Variants in NCOA2 observed in about 807,000 individuals in gnomAD.
NCOA2 encodes the protein nuclear receptor coactivator 2.
Under a neutral mutation model 145.1 loss-of-function variants are expected in NCOA2, and 21 were observed. The observed-to-expected ratio is 0.14, with a 90% CI of 0.10 to 0.21. The LOEUF is 0.21. NCOA2 is among the 10% of genes least tolerant of loss of function. The pLI is 1.00. For synonymous variants in NCOA2, 619 were observed against 637.5 expected (o/e 0.97, Z 0.44); for missense variants, 1,472 against 1,837.6 (o/e 0.80, Z 3.64).
Position 70,159,243 on chromosome 8 carries a change from T to TATATATATATGTATATA in NCOA2, c.1124+261_1124+262insTATATACATATATATAT, listed in dbSNP as rs869045939. On this transcript the variant is annotated intron_variant, in intron 10 of 22. Transcript: ENST00000452400. ...AACATTATATATATATATATATATA[T>TATATATATATGTATATA]TTTTTTTTTTTTCCCCCAAATATTT... Among the ~76,000 whole-genome samples, 43 of 82,068 alleles carry TATATATATATGTATATA rather than the reference T, an allele frequency of 5.2e-4. 1 individual carries two copies. The highest frequency in any genetic ancestry group is 2.1e-3 in the African/African-American group (43 of 20,120). 53.8% of individuals were successfully genotyped at this position (82,068 alleles called of 152,430 possible).
chr8:70,280,519 T>C (rs1784847466), intron 2 of NCOA2, among the ~76,000 whole-genome samples: 1 of 152,214 alleles, frequency 6.6e-6, no homozygotes, highest in South Asian at 2.1e-4. Context: ...TACTGACCCA[T>C]ACACAATATA....
chr8:70,235,662 G>A (rs369401428), intron 2 of NCOA2, among the ~76,000 whole-genome samples: 1 of 151,942 alleles, frequency 6.6e-6, no homozygotes, highest in Non-Finnish European at 1.5e-5. Context: ...TGGGCAACAA[G>A]ACAAGACCTT....
At chr8:70,377,210 T>C (rs1483928227) in intron 1 of NCOA2, among the ~76,000 whole-genome samples, 1 of 151,962 alleles carries the variant, frequency 6.6e-6, no homozygotes, top group Non-Finnish European at 1.5e-5. Context: ...CTCTACTAAT[T>C]CTTATATCAT....
At chr8:70,367,996 CAGA>C (rs943946514) in intron 1 of NCOA2, among the ~76,000 whole-genome samples, 1 of 152,138 alleles carries the variant, frequency 6.6e-6, no homozygotes, top group African/African-American at 2.4e-5. Flanking sequence ...AACATAGACT[CAGA>C]AGTATAAGAT....
chr8:70,123,260 T>C (rs1808030761), intron 21 of NCOA2, among the ~76,000 whole-genome samples: 1 of 152,258 alleles, frequency 6.6e-6, no homozygotes, highest in Admixed American at 6.5e-5. Context: ...GTCGGTCTCT[T>C]TGCATAAATG....
At chr8:70,438,193 C>T in the NCOA2 span, among the ~76,000 whole-genome samples, 1 of 152,206 alleles carries the variant, frequency 6.6e-6, no homozygotes, top group Non-Finnish European at 1.5e-5. Context: ...TTAAAAATCA[C>T]AATTACAATA....
intron 4 of NCOA2, among the ~76,000 whole-genome samples, chr8:70,195,973 G>A (rs1817262763): frequency 6.6e-6 from 1 of 152,216 alleles, no homozygotes; most frequent in African/African-American, 2.4e-5. Context: ...CATATTTTAT[G>A]TTCCTTTTAA....
chr8:70,147,648 T>A (rs112399291), intron 12 of NCOA2, among the ~76,000 whole-genome samples: 3,345 of 152,260 alleles, frequency 0.022, 149 homozygotes, highest in African/African-American at 0.076. Flanking sequence ...AATGAAAAGA[T>A]AGAAGATGTT....
At chr8:70,410,592 C>A in the NCOA2 span, among the ~76,000 whole-genome samples, 1 of 152,140 alleles carries the variant, frequency 6.6e-6, no homozygotes, top group Admixed American at 6.5e-5. Flanking sequence ...TCCTTGGCCT[C>A]CCAAAGTGCT....
the NCOA2 span, among the ~76,000 whole-genome samples, chr8:70,442,137 A>AAGAAAGAAAG: frequency 3.8e-5 from 2 of 52,278 alleles, no homozygotes; most frequent in African/African-American, 5.7e-5. Context: ...GAAAGAAAGA[A>AAGAAAGAAAG]AGAAAGAAAG....
intron 2 of NCOA2, among the ~76,000 whole-genome samples, chr8:70,290,821 C>A (rs368472001): frequency 5.0e-5 from 7 of 140,318 alleles, no homozygotes; most frequent in African/African-American, 9.6e-5. Context: ...AAAAAAAAAA[C>A]AAAACTATAA....
chr8:70,159,561 G>C lies in NCOA2; in HGVS notation c.1068C>G (p.Ile356Met). ...GAGGTTCATTAGTAGTCTGAGAACG[G>C]ATGAGTTTGCTCTTCGTTTGTGCAG... ...LVAAQTKSKL[I>M]RSQTTNEPQL... Residue 356 changes from isoleucine (I) to methionine (M), a missense_variant, in exon 10 of 23, where the codon ATC (isoleucine) becomes ATG (methionine). Coordinates refer to ENST00000452400, the MANE Select transcript of NCOA2 (RefSeq NM_006540.4). The C allele has an allele frequency of 1.9e-6, 3 of 1,612,166 alleles. No homozygotes were observed. Among genetic ancestry groups the C allele is most frequent in the Non-Finnish European group, 2.5e-6 (3 of 1,178,416 alleles).
chr8:70,247,918 G>C (rs896134422), intron 2 of NCOA2, among the ~76,000 whole-genome samples: 13 of 152,208 alleles, frequency 8.5e-5, no homozygotes, highest in African/African-American at 2.7e-4. Context: ...ATTGCTGTTA[G>C]CAAATCTGTC....
At chr8:70,186,469 A>G (rs1275140324) in intron 4 of NCOA2, among the ~76,000 whole-genome samples, 1 of 152,202 alleles carries the variant, frequency 6.6e-6, no homozygotes, top group Admixed American at 6.5e-5. Context: ...TGCAGAGGGC[A>G]AGGTGCTGCG....
At chr8:70,423,877 G>A in the NCOA2 span, among the ~76,000 whole-genome samples, 6 of 152,234 alleles carry the variant, frequency 3.9e-5, no homozygotes, top group East Asian at 3.9e-4. Context: ...CAGGGTCCCC[G>A]ACACTCTCCG....
chr8:70,122,423 CTTT>C (rs768646156), intron 21 of NCOA2, among the ~76,000 whole-genome samples: 1 of 143,284 alleles, frequency 7.0e-6, no homozygotes, highest in Admixed American at 7.0e-5. Flanking sequence ...CTAATTTAAA[CTTT>C]TTTTTTTTTT....
At chr8:70,441,452 GAA>G in the NCOA2 span, among the ~76,000 whole-genome samples, 2 of 134,874 alleles carry the variant, frequency 1.5e-5, no homozygotes, top group African/African-American at 2.7e-5. Context: ...AAAGAAAAAA[GAA>G]AGAAAAGAAA....
intron 1 of NCOA2, among the ~76,000 whole-genome samples, chr8:70,326,295 C>T (rs1390421263): frequency 2.0e-5 from 3 of 152,186 alleles, no homozygotes; most frequent in East Asian, 3.9e-4. Flanking sequence ...AGTACATATG[C>T]TCTTACCTTT....
At chr8:70,424,405 G>A in the NCOA2 span, 135 of 414,644 alleles carry the variant, frequency 3.3e-4, no homozygotes, top group African/African-American at 2.5e-3. Flanking sequence ...CATCCTCAGA[G>A]AGTCCTGTGC....
Sources: allele counts gnomAD v4.1 joint callset (sites outside exome capture counted in the v4.1 genomes callset), GRCh38; gene constraint gnomAD v4.1.1; transcripts MANE v1.5; gene names NCBI Gene and HGNC (gene_info 2026-07-23, HGNC 2026-07-21).